Variants in SDC1 observed in about 807,000 individuals in gnomAD.
SDC1 encodes syndecan 1, also known as syndecan-1.
A neutral mutation model predicts 29.7 loss-of-function variants in SDC1; 14 were observed. That is an observed-to-expected ratio of 0.47 (90% CI 0.31 to 0.74). The LOEUF (loss-of-function observed/expected upper bound fraction) is 0.74, where lower values mean the gene tolerates loss of function less well. SDC1 is among the 30% of genes least tolerant of loss of function. The pLI is 0.05. For synonymous variants in SDC1, 204 were observed against 175.5 expected (o/e 1.16, Z -1.29); for missense variants, 406 against 400.3 (o/e 1.01, Z -0.12).
intron 1 of SDC1, among the ~76,000 whole-genome samples, chr2:20,218,148 A>G (rs1206643316): frequency 1.3e-5 from 2 of 152,254 alleles, no homozygotes; most frequent in African/African-American, 2.4e-5. Flanking sequence ...AACTGAGGAC[A>G]GGAAGAACGA....
intron 1 of SDC1, among the ~76,000 whole-genome samples, chr2:20,212,082 C>T (rs1232602142): frequency 7.0e-6 from 1 of 143,264 alleles, no homozygotes; most frequent in Non-Finnish European, 1.5e-5. Flanking sequence ...AAGTGCTTTA[C>T]GGCTGACAGG....
intron 1 of SDC1, among the ~76,000 whole-genome samples, chr2:20,218,784 GACACACAGATAT>G (rs1677718005): frequency 1.4e-5 from 2 of 144,394 alleles, no homozygotes; most frequent in South Asian, 2.2e-4. Context: ...GACACATGGA[GACACACAGATAT>G]ACACACAGAC....
At position 20,224,451 on chromosome 2, in the gene SDC1, G is replaced by A. The variant is rs1023620919; in HGVS notation, c.66+351C>T. Among the ~76,000 whole-genome samples, 1 of 151,578 alleles carries A rather than the reference G, an allele frequency of 6.6e-6. No individual in the cohort carries two copies. The highest frequency in any genetic ancestry group is 1.5e-5 in the Non-Finnish European group (1 of 67,826). ...CACTGCATCCCCCCGGGTCACCGAC[G>A]GGGGCCCGGCCGCCGCGGTGGCCGG... On this transcript the variant is annotated intron_variant, in intron 1 of 4. Coordinates refer to ENST00000254351, the MANE Select transcript of SDC1 (RefSeq NM_002997.5). The surrounding 1 kb of genome is among the most constrained non-coding windows in gnomAD (Gnocchi z 4.9).
Position 20,202,919 on chromosome 2 carries a change from G to A in SDC1, c.780C>T (p.Gly260=), listed in dbSNP as rs767897739. 1.2e-5 allele frequency: 19 copies of A among 1,612,114 alleles called. No homozygotes were observed. Among genetic ancestry groups the A allele is most frequent in the East Asian group, 2.2e-5 (1 of 44,822 alleles). ...ACACAGCAAAGATGAGCCCCACGAG[G>A]CCTCCGGCAATGACCCCTAGGGCAG... ...KEVLGGVIAG[G]LVGLIFAVCL... Residue 260 remains glycine (G), a synonymous_variant, in exon 5 of 5, where the codon GGC becomes GGT. Transcript: ENST00000254351.
At chr2:20,211,685 C>T (rs143517494) in intron 1 of SDC1, among the ~76,000 whole-genome samples, 1,620 of 152,344 alleles carry the variant, frequency 0.011, 16 homozygotes, top group Middle Eastern at 0.024. Context: ...AGGTGGGCTC[C>T]GGGGACGAAG....
At chr2:20,207,814 C>T in intron 1 of SDC1, 1 of 332,452 alleles carries the variant, frequency 3.0e-6, no homozygotes, top group Non-Finnish European at 4.3e-6. Flanking sequence ...AACACCTGTG[C>T]TGCCTTCCCA....
At chr2:20,217,891 T>C (rs1376830081) in intron 1 of SDC1, among the ~76,000 whole-genome samples, 1 of 152,158 alleles carries the variant, frequency 6.6e-6, no homozygotes, top group Non-Finnish European at 1.5e-5. Flanking sequence ...GCCCCAGCCC[T>C]GGCCCAACGT....
chr2:20,218,191 G>C (rs940087668), intron 1 of SDC1, among the ~76,000 whole-genome samples: 5 of 152,214 alleles, frequency 3.3e-5, no homozygotes, highest in African/African-American at 1.2e-4. Context: ...GAGGCCCAGA[G>C]AGGCAATGGC....
At chr2:20,207,700 C>A (rs563114272) in intron 1 of SDC1, among the ~76,000 whole-genome samples, 1 of 152,098 alleles carries the variant, frequency 6.6e-6, no homozygotes, top group Non-Finnish European at 1.5e-5. Context: ...AGCAAGACTC[C>A]GTCTCAATCA....
At chr2:20,215,486 A>G (rs1677600091) in intron 1 of SDC1, among the ~76,000 whole-genome samples, 1 of 152,236 alleles carries the variant, frequency 6.6e-6, no homozygotes, top group African/African-American at 2.4e-5. Context: ...TGTTAACGTC[A>G]GCAGCACTGG....
At position 20,202,609 on chromosome 2, in the gene SDC1, G is replaced by C; in HGVS notation, c.*157C>G. ...TCAGAGAAGCAGAGTGGAGCTCCCA[G>C]CACACCCCACGACTCCGTGGGCAGG... On this transcript the variant is annotated 3_prime_UTR_variant, in exon 5 of 5. Transcript: ENST00000254351. The C allele has an allele frequency of 1.4e-6, 1 of 724,682 alleles. No individual in the cohort carries two copies. Among genetic ancestry groups the C allele is most frequent in the Non-Finnish European group, 2.3e-6 (1 of 429,528 alleles). The allele number at this position is 724,682 out of a possible 1,614,324, so 44.9% of individuals were successfully genotyped here.
Position 20,224,108 on chromosome 2 carries a change from C to T in SDC1, c.66+694G>A. On this transcript the variant is annotated intron_variant, in intron 1 of 4. Transcript: ENST00000254351. This position sits in a 1 kb window ranked among gnomAD's most constrained non-coding sequence, Gnocchi z 4.9. ...TCCGGGGCCAGCTCAACTTCAGCAG[C>T]CCAGAAGTTGGGCTCCTCCGGGTCT... is the stretch of plus-strand genomic sequence containing the variant. 2.5e-6 allele frequency: 1 copy of T among 400,620 alleles called. No individual in the cohort carries two copies. Among genetic ancestry groups the T allele is most frequent in the Non-Finnish European group, 5.0e-6 (1 of 199,134 alleles). The allele number at this position is 400,620 out of a possible 1,614,324, so 24.8% of individuals were successfully genotyped here. A position where few individuals can be genotyped will look rare whatever the true frequency, so the allele number is the denominator to read the frequency against.
rs972648668 is a variant in SDC1, at chr2:20,203,910, G to C, written c.530C>G (p.Thr177Ser). ...AGGACCTCCATCCTCTGTGTGGGGA[G>C]TGTGAAGGTCAGCTTGGCTGGGTCC... The part of the protein sequence containing the change: ...PAGPSQADLH[T>S]PHTEDGGPSA... Residue 177 changes from threonine (T) to serine (S), a missense_variant, in exon 3 of 5, where the codon ACT becomes AGT. Coordinates refer to ENST00000254351, the MANE Select transcript of SDC1 (RefSeq NM_002997.5). 1.3e-5 allele frequency: 21 copies of C among 1,613,888 alleles called. No individual in the cohort carries two copies. Among genetic ancestry groups the C allele is most frequent in the Non-Finnish European group, 1.8e-5 (21 of 1,179,998 alleles).
At chr2:20,204,498 C>G (rs1677186208) in intron 2 of SDC1, among the ~76,000 whole-genome samples, 1 of 152,040 alleles carries the variant, frequency 6.6e-6, no homozygotes, top group Admixed American at 6.5e-5. Flanking sequence ...TTGTGTGTGT[C>G]CAGGTGCAGC....
chr2:20,209,793 C>T (rs776781844), intron 1 of SDC1, among the ~76,000 whole-genome samples: 2 of 152,240 alleles, frequency 1.3e-5, no homozygotes, highest in African/African-American at 4.8e-5. Context: ...GGGGCAGCTG[C>T]GCTGCAGCTC....
chr2:20,209,356 C>A (rs1380890244), intron 1 of SDC1, among the ~76,000 whole-genome samples: 1 of 152,198 alleles, frequency 6.6e-6, no homozygotes, highest in East Asian at 1.9e-4. Flanking sequence ...CCCCGTGCAG[C>A]AGCACTGCTC....
chr2:20,203,100 T>C lies in SDC1; in HGVS notation c.750A>G (p.Lys250=), dbSNP rs1048191616. 2 of 1,607,492 alleles carry C rather than the reference T, an allele frequency of 1.2e-6. No individual in the cohort carries two copies. The highest frequency in any genetic ancestry group is 1.7e-6 in the Non-Finnish European group (2 of 1,175,736). ...TGASQGLLDR[K]EVLGGVIAGG... is the part of the protein sequence containing the mutation. ...AAGAAAACTCACCTCCCAGCACCTC[T>C]TTCCTGTCCAGGAGGCCCTGTGAGG... is the stretch of plus-strand genomic sequence containing the variant. The change falls in exon 4 of 5, where the codon AAA becomes AAG. Residue 250 remains lysine (K), a synonymous_variant. Transcript: ENST00000254351.
intron 1 of SDC1, among the ~76,000 whole-genome samples, chr2:20,209,496 T>C (rs2148287525): frequency 6.6e-6 from 1 of 152,274 alleles, no homozygotes; most frequent in Admixed American, 6.5e-5. Context: ...CCTGCCCCAG[T>C]GGTGACGCTA....
intron 1 of SDC1, among the ~76,000 whole-genome samples, chr2:20,217,888 C>T (rs921768510): frequency 6.6e-6 from 1 of 152,196 alleles, no homozygotes; most frequent in Non-Finnish European, 1.5e-5. Context: ...ACAGCCCCAG[C>T]CCTGGCCCAA....
Sources: gnomAD v4.1 joint callset for allele counts (sites outside exome capture counted in the v4.1 genomes callset) on GRCh38, gnomAD v4.1.1 for gene constraint, Gnocchi (gnomAD v3.1) non-coding constraint, MANE v1.5 for transcripts, NCBI Gene and HGNC (gene_info 2026-07-23, HGNC 2026-07-21) for gene names.